Variants in TRABD2B observed in about 807,000 individuals in gnomAD.
TRABD2B encodes TraB domain containing 2B.
A neutral mutation model predicts 40.1 loss-of-function variants in TRABD2B; 14 were observed. The ratio of observed to expected loss-of-function variants is 0.35; its 90% confidence interval spans 0.23 to 0.55. TRABD2B has a LOEUF of 0.55. Ranked by LOEUF, TRABD2B falls within the 20% of genes least tolerant of loss-of-function variation. The pLI, the probability that TRABD2B is intolerant of heterozygous loss-of-function variation, is 0.90. For synonymous variants in TRABD2B, 263 were observed against 277.0 expected, an observed-to-expected ratio of 0.95 and a Z score of 0.50; for missense variants, 541 against 648.6, an observed-to-expected ratio of 0.83 and a Z score of 1.80.
At chr1:47,886,883 C>G (rs1644378276) in intron 2 of TRABD2B, among the ~76,000 whole-genome samples, 1 of 152,034 alleles carries the variant, frequency 6.6e-6, no homozygotes, top group African/African-American at 2.4e-5. Context: ...CTAATGTGTC[C>G]CTGGCCCCCT....
intron 3 of TRABD2B, among the ~76,000 whole-genome samples, chr1:47,800,592 CG>C (rs1644809241): frequency 6.6e-6 from 1 of 152,174 alleles, no homozygotes; most frequent in Non-Finnish European, 1.5e-5. Context: ...GGGAAGTCCA[CG>C]CAATGTCCTG....
At chr1:47,851,616 C>T (rs1645550334) in intron 2 of TRABD2B, among the ~76,000 whole-genome samples, 2 of 152,204 alleles carry the variant, frequency 1.3e-5, no homozygotes. Context: ...TGCTCCAAGT[C>T]CTTCTCTGTC....
intron 6 of TRABD2B, 123 bp from the exon 7 acceptor site, chr1:47,766,229 G>C (rs2124408854): frequency 1.6e-6 from 1 of 628,760 alleles, no homozygotes; most frequent in Non-Finnish European, 2.9e-6. Context: ...AGGGAACAAG[G>C]AGCTTGAGCA....
intron 2 of TRABD2B, among the ~76,000 whole-genome samples, chr1:47,925,371 A>T (rs1557660740): frequency 1.3e-5 from 2 of 152,128 alleles, no homozygotes; most frequent in South Asian, 2.1e-4. Flanking sequence ...ATGAAAGAAG[A>T]TTTTTTTTAT....
intron 6 of TRABD2B, among the ~76,000 whole-genome samples, chr1:47,768,905 A>C (rs12035815): frequency 0.015 from 2,281 of 152,332 alleles, 81 homozygotes; most frequent in Admixed American, 0.085. Context: ...GAAGGACTTC[A>C]GATTTCTTGC....
chr1:47,896,177 C>T (rs560983452), intron 2 of TRABD2B, among the ~76,000 whole-genome samples: 1 of 152,334 alleles, frequency 6.6e-6, no homozygotes, highest in East Asian at 1.9e-4. Context: ...AATAACACCT[C>T]CCCAGGAAGG....
intron 4 of TRABD2B, among the ~76,000 whole-genome samples, chr1:47,782,421 G>A (rs1644537624): frequency 6.6e-6 from 1 of 152,164 alleles, no homozygotes; most frequent in African/African-American, 2.4e-5. Context: ...GTCAGAACGT[G>A]CTCCCAACCC....
rs535583249 is a variant in TRABD2B at position 47,931,759 on chromosome 1, C to T, written c.666+62275G>A. 2.0e-5 allele frequency among the ~76,000 whole-genome samples: 3 copies of T among 152,258 alleles called. No individual in the cohort carries two copies. In the East Asian group the frequency reaches 5.8e-4, roughly 29 times the overall value. ...GGATGCTACAGACAGCAAAATGGCCCAGCTGCTCCCTGTCCAAGTCCTGAT... is the reference window on the plus strand; with the variant it reads ...GGATGCTACAGACAGCAAAATGGCCTAGCTGCTCCCTGTCCAAGTCCTGAT... On this transcript the variant is annotated intron_variant, in intron 2 of 6. Transcript: ENST00000606738.
At chr1:47,861,958 T>C (rs1331634701) in intron 2 of TRABD2B, among the ~76,000 whole-genome samples, 1 of 152,162 alleles carries the variant, frequency 6.6e-6, no homozygotes, top group East Asian at 1.9e-4. Context: ...GCTGGTTCAA[T>C]ATTAAAAAAT....
chr1:47,825,949 T>C (rs1197052209), intron 2 of TRABD2B, among the ~76,000 whole-genome samples: 5 of 152,198 alleles, frequency 3.3e-5, no homozygotes. Flanking sequence ...TCCTCATCTG[T>C]TCAACAGGGA....
Position 47,994,075 on chromosome 1 carries a change from C to G in TRABD2B, c.625G>C (p.Glu209Gln). 6.5e-6 allele frequency: 10 copies of G among 1,536,216 alleles called. No homozygotes were observed. The highest frequency in any genetic ancestry group is 8.7e-6 in the Non-Finnish European group (10 of 1,146,936). Residue 209 changes from glutamate (E) to glutamine (Q), a missense_variant, in exon 2 of 7, where the codon GAG becomes CAG. Around this residue, in one of 2 missense-constraint regions of TRABD2B, gnomAD observed 369 missense variants for 492.8 expected, o/e 0.75. Transcript: ENST00000606738. The surrounding 1 kb of genome is among the most constrained non-coding windows in gnomAD (Gnocchi z 6.7). ...KTTGAVEQVE[E>Q]QCHPLNNGLN... Reference sequence around the variant, plus strand: ...CCGTTGTTGAGGGGATGGCACTGCTCCTCCACCTGCTCCACAGCCCCTGTG... The same window carrying G: ...CCGTTGTTGAGGGGATGGCACTGCTGCTCCACCTGCTCCACAGCCCCTGTG...
chr1:47,918,685 A>G lies in TRABD2B; in HGVS notation c.666+75349T>C, dbSNP rs568628962. Among the ~76,000 whole-genome samples the G allele has an allele frequency of 5.2e-5, 6 of 116,182 alleles. No individual in the cohort carries two copies. In the South Asian group the frequency reaches 1.0e-3, roughly 19 times the overall value. The allele number at this position is 116,182 out of a possible 152,430, so 76.2% of individuals were successfully genotyped here. A position where few individuals can be genotyped will look rare whatever the true frequency, so the allele number is the denominator to read the frequency against. ...TCAGGAAGCCTGGCCATAAGCCAAGACGGGGACGGAAAGAAAGGACTCCAA... is the reference window on the plus strand; with the variant it reads ...TCAGGAAGCCTGGCCATAAGCCAAGGCGGGGACGGAAAGAAAGGACTCCAA... On this transcript the variant is annotated intron_variant, in intron 2 of 6. Transcript: ENST00000606738.
chr1:47,929,352 G>A (rs1374985255), intron 2 of TRABD2B, among the ~76,000 whole-genome samples: 3 of 152,142 alleles, frequency 2.0e-5, no homozygotes, highest in Admixed American at 2.0e-4. Context: ...TAGAGTCCCT[G>A]CTCTGTGCCA....
chr1:47,810,135 A>AGG lies in TRABD2B; in HGVS notation c.667-8518_667-8517dup, dbSNP rs762853184. ...GAGAAAATAAGGCAAAGAGGAATAT[A>AGG]GGGTGTGTGTGTGTGTGTGCGCGCG... On this transcript the variant is annotated intron_variant, in intron 2 of 6. Coordinates refer to ENST00000606738, the MANE Select transcript of TRABD2B (RefSeq NM_001194986.2). Among the ~76,000 whole-genome samples the AGG allele has an allele frequency of 7.6e-3, 380 of 50,050 alleles. 1 individual carries two copies. Among genetic ancestry groups the AGG allele is most frequent in the Admixed American group, 8.8e-3 (32 of 3,636 alleles). The allele number at this position is 50,050 out of a possible 152,430, so 32.8% of individuals were successfully genotyped here. A position where few individuals can be genotyped will look rare whatever the true frequency, so the allele number is the denominator to read the frequency against.
At chr1:47,964,060 TC>T (rs1361434511) in intron 2 of TRABD2B, among the ~76,000 whole-genome samples, 1 of 152,146 alleles carries the variant, frequency 6.6e-6, no homozygotes. Context: ...GTTGTTTTTT[TC>T]CCCCTACATT....
At chr1:47,787,681 T>C (rs939983929) in intron 4 of TRABD2B, among the ~76,000 whole-genome samples, 2 of 152,192 alleles carry the variant, frequency 1.3e-5, no homozygotes, top group African/African-American at 2.4e-5. Context: ...TCTCCCACCA[T>C]GGGGGCAGAA....
chr1:47,776,285 G>A (rs1019576257), intron 5 of TRABD2B, among the ~76,000 whole-genome samples: 5 of 152,164 alleles, frequency 3.3e-5, no homozygotes, highest in African/African-American at 9.7e-5. Context: ...GACTGATGTG[G>A]GTCCACAGCC....
intron 2 of TRABD2B, among the ~76,000 whole-genome samples, chr1:47,808,753 C>T (rs1644924567): frequency 6.6e-6 from 1 of 152,124 alleles, no homozygotes; most frequent in Admixed American, 6.5e-5. Context: ...AAACTCAGGT[C>T]CAGCTGGCAG....
chr1:47,885,942 G>A lies in TRABD2B; in HGVS notation c.667-84323C>T, dbSNP rs936259260. Among the ~76,000 whole-genome samples, 10 of 152,188 alleles carry A rather than the reference G, an allele frequency of 6.6e-5. No homozygotes were observed. The East Asian group carries it at 1.9e-3, about 29-fold the overall frequency. The stretch of plus-strand genomic sequence containing the variant: ...CAAAGTCTAGTTTTATGCATCAGTT[G>A]GTTTTGAAAATAATATTTATGGGTC... On this transcript the variant is annotated intron_variant, in intron 2 of 6. Transcript: ENST00000606738.
Sources: gnomAD v4.1 joint callset for allele counts (sites outside exome capture counted in the v4.1 genomes callset) on GRCh38, gnomAD v4.1.1 for gene constraint, gnomAD v4.1.1 regional missense constraint, Gnocchi (gnomAD v3.1) non-coding constraint, MANE v1.5 for transcripts, NCBI Gene and HGNC (gene_info 2026-07-23, HGNC 2026-07-21) for gene names.